Variants in EPHA6 observed in about 807,000 individuals in gnomAD.
EPHA6 encodes the protein EPH receptor A6, also known as ephrin type-A receptor 6.
A neutral mutation model predicts 112.0 loss-of-function variants in EPHA6; 50 were observed. The observed-to-expected ratio is 0.45, with a 90% CI of 0.36 to 0.56. EPHA6 has a LOEUF of 0.56. Ranked by LOEUF, EPHA6 falls within the 20% of genes least tolerant of loss-of-function variation. EPHA6 has a pLI of 0.00. For synonymous variants in EPHA6, 529 were observed against 490.7 expected (o/e 1.08, Z -1.03); for missense variants, 1,280 against 1,417.4 (o/e 0.90, Z 1.56).
At chr3:97,450,712 C>T (rs987707863) in intron 7 of EPHA6, among the ~76,000 whole-genome samples, 4 of 151,858 alleles carry the variant, frequency 2.6e-5, no homozygotes, top group Admixed American at 1.3e-4. Flanking sequence ...CTCATTCAAC[C>T]GACATGTATA....
At chr3:97,246,400 C>T (rs1485366635) in intron 5 of EPHA6, among the ~76,000 whole-genome samples, 2 of 151,662 alleles carry the variant, frequency 1.3e-5, no homozygotes, top group Non-Finnish European at 2.9e-5. Flanking sequence ...CATGTCTCTG[C>T]TTATCAAAAG....
chr3:97,595,055 G>A (rs927272883), intron 12 of EPHA6, among the ~76,000 whole-genome samples: 3 of 152,132 alleles, frequency 2.0e-5, no homozygotes, highest in South Asian at 2.1e-4. Flanking sequence ...TGTGCTTCAC[G>A]TCACACTGTG....
chr3:97,387,696 T>A (rs781560977), intron 5 of EPHA6, among the ~76,000 whole-genome samples: 72 of 152,190 alleles, frequency 4.7e-4, no homozygotes, highest in African/African-American at 8.2e-4. Context: ...CACTTGCCAG[T>A]TGCCCAGATC....
chr3:97,636,452 A>T (rs949869583), intron 13 of EPHA6, among the ~76,000 whole-genome samples: 1 of 152,080 alleles, frequency 6.6e-6, no homozygotes, highest in Non-Finnish European at 1.5e-5. Flanking sequence ...CATCCTTTAT[A>T]CATTAATTAT....
chr3:97,596,341 A>C (rs868354573), intron 12 of EPHA6, among the ~76,000 whole-genome samples: 2 of 152,222 alleles, frequency 1.3e-5, no homozygotes, highest in African/African-American at 4.8e-5. Context: ...TTGAGTATAC[A>C]TAGTCTTAGA....
intron 2 of EPHA6, among the ~76,000 whole-genome samples, chr3:96,930,994 A>AAAAAAAG (rs1553733249): frequency 9.9e-6 from 1 of 100,552 alleles, no homozygotes; most frequent in Non-Finnish European, 1.7e-5. Context: ...TCTGTCTCCA[A>AAAAAAAG]AAAAAAAAAA....
intron 7 of EPHA6, among the ~76,000 whole-genome samples, chr3:97,465,925 T>C (rs1297322918): frequency 6.6e-6 from 1 of 152,040 alleles, no homozygotes; most frequent in Non-Finnish European, 1.5e-5. Flanking sequence ...CATTCTAACA[T>C]GCTGTCTTGC....
intron 14 of EPHA6, among the ~76,000 whole-genome samples, chr3:97,681,247 G>A (rs1409715547): frequency 1.3e-5 from 2 of 152,052 alleles, no homozygotes; most frequent in Non-Finnish European, 2.9e-5. Context: ...AGGGATAAAT[G>A]GAAATAAGCA....
chr3:97,266,786 T>C, intron 5 of EPHA6, among the ~76,000 whole-genome samples: 1 of 124,482 alleles, frequency 8.0e-6, no homozygotes, highest in East Asian at 2.2e-4. Context: ...ATGATACTAA[T>C]ATAATACAAA....
chr3:96,942,332 G>A (rs529111384), intron 2 of EPHA6, among the ~76,000 whole-genome samples: 9 of 152,294 alleles, frequency 5.9e-5, no homozygotes, highest in African/African-American at 2.2e-4. Context: ...CCCTCCCCCA[G>A]CCTTGCTGCA....
chr3:97,615,417 G>A (rs977311287), intron 13 of EPHA6, among the ~76,000 whole-genome samples: 3 of 152,110 alleles, frequency 2.0e-5, no homozygotes, highest in Non-Finnish European at 4.4e-5. Flanking sequence ...TGAAAAGTTG[G>A]ACCTCCATAC....
At chr3:97,712,223 A>T (rs1443946931) in intron 14 of EPHA6, among the ~76,000 whole-genome samples, 1 of 152,218 alleles carries the variant, frequency 6.6e-6, no homozygotes, top group Non-Finnish European at 1.5e-5. Context: ...AACTTTAAAA[A>T]TCATTATTTA....
At chr3:96,961,729 C>T (rs573585734) in intron 2 of EPHA6, among the ~76,000 whole-genome samples, 7 of 152,298 alleles carry the variant, frequency 4.6e-5, no homozygotes, top group African/African-American at 1.7e-4. Flanking sequence ...ATCCTACTTA[C>T]CACCAGCAGT....
chr3:97,563,942 A>G (rs989348067), intron 11 of EPHA6, among the ~76,000 whole-genome samples: 1 of 152,214 alleles, frequency 6.6e-6, no homozygotes, highest in Non-Finnish European at 1.5e-5. Context: ...CTTAATAGTT[A>G]CAAATATGAG....
chr3:96,963,184 G>T (rs1475379163), intron 2 of EPHA6, among the ~76,000 whole-genome samples: 1 of 151,048 alleles, frequency 6.6e-6, no homozygotes, highest in Non-Finnish European at 1.5e-5. Context: ...AAAAAGAGGG[G>T]CACTAAAGAG....
chr3:96,957,589 A>G (rs950848851), intron 2 of EPHA6, among the ~76,000 whole-genome samples: 2 of 152,168 alleles, frequency 1.3e-5, no homozygotes, highest in African/African-American at 4.8e-5. Flanking sequence ...CTTAGCCCTG[A>G]TTGGTGTTGT....
chr3:96,839,107 G>A (rs2034582565), intron 1 of EPHA6, among the ~76,000 whole-genome samples: 1 of 152,100 alleles, frequency 6.6e-6, no homozygotes, highest in Non-Finnish European at 1.5e-5. Flanking sequence ...AAATCCAAAG[G>A]TAAAAGTTTT....
At chr3:97,601,011 T>G (rs868277151) in intron 12 of EPHA6, among the ~76,000 whole-genome samples, 4 of 152,106 alleles carry the variant, frequency 2.6e-5, no homozygotes, top group Admixed American at 2.6e-4. Flanking sequence ...AGCCTTCTTA[T>G]TAGCATAAAT....
intron 2 of EPHA6, among the ~76,000 whole-genome samples, chr3:96,892,008 T>G (rs2037991716): frequency 6.6e-6 from 1 of 152,206 alleles, no homozygotes; most frequent in African/African-American, 2.4e-5. Context: ...ACAGACAGCT[T>G]TAGAGTTGGA....
Sources: gnomAD v4.1 joint callset for allele counts (sites outside exome capture counted in the v4.1 genomes callset) on GRCh38, gnomAD v4.1.1 for gene constraint, MANE v1.5 for transcripts, NCBI Gene and HGNC (gene_info 2026-07-23, HGNC 2026-07-21) for gene names.